Variants in AGBL4 observed in about 807,000 individuals in gnomAD.
The protein encoded by AGBL4 is cytosolic carboxypeptidase 6.
Under a neutral mutation model 66.4 loss-of-function variants are expected in AGBL4, and 58 were observed. The observed-to-expected ratio is 0.87, with a 90% CI of 0.71 to 1.09. The LOEUF (loss-of-function observed/expected upper bound fraction) is 1.09, where lower values mean the gene tolerates loss of function less well. AGBL4 is among the 50% of genes least tolerant of loss of function. The probability of loss-of-function intolerance (pLI) is 0.00; values close to 1 mark genes in which losing one functional copy is unlikely to be tolerated. For synonymous variants in AGBL4, 234 were observed against 222.9 expected (o/e 1.05, Z -0.44); for missense variants, 579 against 631.0 (o/e 0.92, Z 0.88).
chr1:49,747,385 G>T (rs1206828077), intron 2 of AGBL4, among the ~76,000 whole-genome samples: 1 of 152,056 alleles, frequency 6.6e-6, no homozygotes, highest in Non-Finnish European at 1.5e-5. Flanking sequence ...AAAATTTCCT[G>T]ACATTACCTA....
chr1:48,969,692 C>T (rs1413010394), intron 5 of AGBL4, among the ~76,000 whole-genome samples: 1 of 151,866 alleles, frequency 6.6e-6, no homozygotes, highest in Non-Finnish European at 1.5e-5. Flanking sequence ...ATGAGGTGCC[C>T]CAAACATATA....
chr1:49,050,594 C>CTCCTTGCCTTTTTAAATGCTAT (rs143249756), intron 4 of AGBL4, among the ~76,000 whole-genome samples: 13 of 151,544 alleles, frequency 8.6e-5, no homozygotes, highest in East Asian at 3.9e-4. Context: ...TCTCAAAAAC[C>CTCCTTGCCTTTTTAAATGCTAT]TCCTTGCCTT....
intron 3 of AGBL4, among the ~76,000 whole-genome samples, chr1:49,284,983 G>C (rs1235732385): frequency 2.7e-5 from 4 of 150,440 alleles, no homozygotes; most frequent in East Asian, 3.9e-4. Context: ...AAGTCAACAA[G>C]GATACCCAGG....
At chr1:49,437,071 T>C (rs1645920367) in intron 3 of AGBL4, among the ~76,000 whole-genome samples, 1 of 152,110 alleles carries the variant, frequency 6.6e-6, no homozygotes, top group South Asian at 2.1e-4. Flanking sequence ...GGGAGCATCA[T>C]GGGCCCAGGG....
intron 2 of AGBL4, among the ~76,000 whole-genome samples, chr1:49,841,534 A>G (rs1345648055): frequency 6.6e-6 from 1 of 152,146 alleles, no homozygotes; most frequent in Non-Finnish European, 1.5e-5. Flanking sequence ...CAAATACCCA[A>G]AGTAATCCTA....
chr1:49,347,248 CTTTCT>C (rs1348073226), intron 3 of AGBL4, among the ~76,000 whole-genome samples: 7 of 132,608 alleles, frequency 5.3e-5, no homozygotes, highest in South Asian at 4.9e-4. Flanking sequence ...TTCTTTCTTT[CTTTCT>C]TTTTTTTTTT....
chr1:49,187,118 AAGCACCCTTTTTTTGTTAAGACAC>A (rs1371707440), intron 4 of AGBL4: 1 of 152,158 alleles, frequency 6.6e-6, no homozygotes, highest in Non-Finnish European at 1.5e-5. Context: ...GGGAAAGCTA[AAGCACCCTTTTTTTGTTAAGACAC>A]AGCAGCCTTT....
chr1:49,135,773 A>G (rs1280323323), intron 4 of AGBL4, among the ~76,000 whole-genome samples: 1 of 152,090 alleles, frequency 6.6e-6, no homozygotes, highest in Non-Finnish European at 1.5e-5. Context: ...CTGTAAACCC[A>G]CAACCTTCCA....
chr1:48,658,860 TG>T (rs1646062022), intron 7 of AGBL4, among the ~76,000 whole-genome samples: 4 of 152,026 alleles, frequency 2.6e-5, no homozygotes, highest in Admixed American at 6.5e-5. Context: ...TGTGTGTGTG[TG>T]TGTGTGTGTG....
intron 2 of AGBL4, among the ~76,000 whole-genome samples, chr1:49,761,370 G>A (rs1652300486): frequency 6.6e-6 from 1 of 151,992 alleles, no homozygotes; most frequent in African/African-American, 2.4e-5. Flanking sequence ...TATATACAAA[G>A]CTATCATGGT....
chr1:49,265,034 T>C (rs1268999580), intron 3 of AGBL4, among the ~76,000 whole-genome samples: 2 of 152,242 alleles, frequency 1.3e-5, no homozygotes, highest in Non-Finnish European at 2.9e-5. Flanking sequence ...TTTAAAATTT[T>C]TTGTTATACA....
chr1:49,299,250 A>G (rs980148822), intron 3 of AGBL4, among the ~76,000 whole-genome samples: 7 of 152,172 alleles, frequency 4.6e-5, no homozygotes, highest in Non-Finnish European at 8.8e-5. Flanking sequence ...TTTTTCTGAA[A>G]TGGATCTTAC....
chr1:49,542,069 C>T (rs766726435), intron 3 of AGBL4, among the ~76,000 whole-genome samples: 1 of 152,236 alleles, frequency 6.6e-6, no homozygotes, highest in African/African-American at 2.4e-5. Flanking sequence ...ACTTGGAGAA[C>T]GTTTGTGTCT....
At chr1:48,615,393 C>T (rs1292812767) in intron 9 of AGBL4, among the ~76,000 whole-genome samples, 1 of 152,126 alleles carries the variant, frequency 6.6e-6, no homozygotes, top group East Asian at 1.9e-4. Context: ...AGATAGCCTC[C>T]TCCCCATAGG....
rs542874716 is a variant in AGBL4 at position 49,564,205 on chromosome 1, T to C, written c.282+133108A>G. 2.4e-4 allele frequency among the ~76,000 whole-genome samples: 36 copies of C among 152,248 alleles called. 1 individual carries two copies. In the South Asian group the frequency reaches 7.5e-3, roughly 32 times the overall value. ...TCTATTTGATTATTCTCTCTTTTCT[T>C]TATTAGTCTTGCTAGCAGTCTATCA... On this transcript the variant is annotated intron_variant, in intron 3 of 13. Transcript: ENST00000371839.
intron 3 of AGBL4, among the ~76,000 whole-genome samples, chr1:49,565,459 G>T (rs1003367782): frequency 2.6e-5 from 4 of 152,114 alleles, no homozygotes; most frequent in African/African-American, 9.7e-5. Flanking sequence ...TCCCTTCCAT[G>T]TTTAGTGCTT....
chr1:48,740,404 T>A (rs1460627664), intron 6 of AGBL4, among the ~76,000 whole-genome samples: 1 of 152,234 alleles, frequency 6.6e-6, no homozygotes, highest in African/African-American at 2.4e-5. Context: ...TCCCTACCCA[T>A]ACTATGTATA....
intron 5 of AGBL4, among the ~76,000 whole-genome samples, chr1:49,002,001 A>T (rs1248863239): frequency 6.6e-6 from 1 of 152,222 alleles, no homozygotes; most frequent in Non-Finnish European, 1.5e-5. Flanking sequence ...TATTGCATTA[A>T]GTACTATGTT....
intron 6 of AGBL4, among the ~76,000 whole-genome samples, chr1:48,673,565 T>C (rs1274776272): frequency 2.6e-5 from 4 of 152,218 alleles, no homozygotes; most frequent in Non-Finnish European, 5.9e-5. Context: ...AGGAAAAGTA[T>C]TTCTATTAAA....
Sources: gnomAD v4.1 joint callset for allele counts (sites outside exome capture counted in the v4.1 genomes callset) on GRCh38, gnomAD v4.1.1 for gene constraint, MANE v1.5 for transcripts, NCBI Gene and HGNC (gene_info 2026-07-23, HGNC 2026-07-21) for gene names.